FAM227A: variants seen among roughly 807,000 people sequenced by gnomAD.
FAM227A encodes protein FAM227A.
FAM227A carries 80 observed loss-of-function variants against 74.7 expected under a neutral mutation model. That is an observed-to-expected ratio of 1.07 (90% confidence interval 0.89 to 1.29). FAM227A has a LOEUF of 1.29. Ranked by LOEUF, FAM227A falls within the 50% of genes most tolerant of loss-of-function variation. The pLI is 0.00. For synonymous variants in FAM227A, 237 were observed against 241.8 expected (o/e 0.98, Z 0.19); for missense variants, 654 against 683.4 (o/e 0.96, Z 0.48).
intron 11 of FAM227A, among the ~76,000 whole-genome samples, chr22:38,611,300 G>C (rs1020723412): frequency 5.9e-5 from 9 of 152,104 alleles, no homozygotes; most frequent in African/African-American, 2.2e-4. Context: ...TGGGGGTTGG[G>C]GAGCCTAAAT....
chr22:38,593,938 C>T (rs1157278592), intron 15 of FAM227A, among the ~76,000 whole-genome samples: 4 of 152,100 alleles, frequency 2.6e-5, no homozygotes, highest in Admixed American at 6.5e-5. Context: ...ATGATCCACC[C>T]GCCTCGGCCT....
intron 16 of FAM227A, among the ~76,000 whole-genome samples, chr22:38,587,137 A>G (rs549738581): frequency 6.6e-6 from 1 of 152,362 alleles, no homozygotes; most frequent in African/African-American, 2.4e-5. Flanking sequence ...TAAGAGGGAA[A>G]TTTATAGCCA....
chr22:38,603,921 T>A (rs75429522), intron 13 of FAM227A, among the ~76,000 whole-genome samples: 1 of 152,156 alleles, frequency 6.6e-6, no homozygotes, highest in African/African-American at 2.4e-5. Context: ...ATGTTTTATA[T>A]AATCTTAGAA....
intron 1 of FAM227A, among the ~76,000 whole-genome samples, chr22:38,650,832 G>C (rs929779960): frequency 1.3e-5 from 2 of 152,120 alleles, no homozygotes; most frequent in Non-Finnish European, 2.9e-5. Flanking sequence ...GTCCTTGCTT[G>C]TTGGCCAGGA....
intron 8 of FAM227A, among the ~76,000 whole-genome samples, chr22:38,626,865 C>CAAAGAA (rs2091812588): frequency 6.0e-5 from 1 of 16,800 alleles, no homozygotes; most frequent in Admixed American, 1.2e-3. Flanking sequence ...GACTCTGTCT[C>CAAAGAA]AAAAAAAAAA....
chr22:38,603,354 G>A (rs977950520), intron 13 of FAM227A, among the ~76,000 whole-genome samples: 7 of 152,014 alleles, frequency 4.6e-5, no homozygotes, highest in Non-Finnish European at 7.4e-5. Context: ...TGGGCGTGGT[G>A]GCACACACCT....
intron 9 of FAM227A, among the ~76,000 whole-genome samples, chr22:38,624,793 G>T (rs1326435395): frequency 6.6e-6 from 1 of 152,150 alleles, no homozygotes. Flanking sequence ...AGGGGCATAA[G>T]GAAGTCTGCG....
At chr22:38,643,195 A>T (rs980107460) in intron 3 of FAM227A, among the ~76,000 whole-genome samples, 58 of 151,884 alleles carry the variant, frequency 3.8e-4, no homozygotes, top group African/African-American at 1.3e-3. Flanking sequence ...GGGTGCCTGT[A>T]ATCCCAGCTA....
chr22:38,623,215 G>C lies in FAM227A; in HGVS notation c.915C>G (p.Phe305Leu), dbSNP rs1045969915. Residue 305 changes from phenylalanine to leucine, a missense_variant, in exon 10 of 17, where the codon TTC (phenylalanine) becomes TTG (leucine). Transcript: ENST00000535113. ...TGTACAACATTAATTCTTCTCTGCG[G>C]AATCGCTCTGGGTCTAGTTCCGAGT... Reference protein sequence around the residue: ...WDYSELDPERFRREELMLYRR... With the variant: ...WDYSELDPERLRREELMLYRR... The C allele has an allele frequency of 1.4e-5, 21 of 1,551,544 alleles. No homozygotes were observed. Among genetic ancestry groups the C allele is most frequent in the Non-Finnish European group, 1.8e-5 (21 of 1,146,948 alleles).
At chr22:38,626,366 G>A in intron 8 of FAM227A, 63 bp from the exon 9 acceptor site, 1 of 1,497,594 alleles carries the variant, frequency 6.7e-7, no homozygotes, top group South Asian at 1.3e-5. Flanking sequence ...CATGATTTGG[G>A]GATGAGGAAG....
At chr22:38,645,863 G>A (rs2092226729) in intron 2 of FAM227A, among the ~76,000 whole-genome samples, 1 of 152,102 alleles carries the variant, frequency 6.6e-6, no homozygotes, top group African/African-American at 2.4e-5. Flanking sequence ...ATGGGTCACT[G>A]CAGCAGACCT....
At chr22:38,595,532 C>T (rs1312318276) in intron 15 of FAM227A, among the ~76,000 whole-genome samples, 2 of 152,232 alleles carry the variant, frequency 1.3e-5, no homozygotes, top group Non-Finnish European at 1.5e-5. Flanking sequence ...AATAGTTAAT[C>T]AGGCAAAGAC....
chr22:38,598,863 A>C (rs920874144), intron 14 of FAM227A, among the ~76,000 whole-genome samples: 2 of 151,970 alleles, frequency 1.3e-5, no homozygotes, highest in African/African-American at 4.8e-5. Context: ...GAACCAATAG[A>C]CCAGTTTGAT....
At position 38,597,357 on chromosome 22, in the gene FAM227A, G is replaced by A; in HGVS notation, c.1380-1C>T. The A allele has an allele frequency of 1.3e-6, 2 of 1,551,772 alleles. No homozygotes were observed. The highest frequency in any genetic ancestry group is 1.4e-5 in the African/African-American group (1 of 73,172). On this transcript the variant is annotated splice_acceptor_variant, in intron 14 of 16. Coordinates refer to ENST00000535113, the MANE Select transcript of FAM227A (RefSeq NM_001013647.2). LOFTEE classifies it high-confidence loss of function. ...ATCAGTATACGTTGGGGTGCAGTCAGTGGCTTCCGCTGTCAAGGAAATCCC... is the reference window on the plus strand; with the variant it reads ...ATCAGTATACGTTGGGGTGCAGTCAATGGCTTCCGCTGTCAAGGAAATCCC...
rs1555973176 is a variant in FAM227A at position 38,641,974 on chromosome 22, T to TGTGTGTGC, written c.226-2251_226-2250insGCACACAC. On this transcript the variant is annotated intron_variant, in intron 3 of 16. Coordinates refer to ENST00000535113, the MANE Select transcript of FAM227A (RefSeq NM_001013647.2). ...GTGTGTGTGTGTGTGTGTGTGTGTGTGCGCACGTGTGTGTGCGCGTGTGTT... is the reference window on the plus strand; with the variant it reads ...GTGTGTGTGTGTGTGTGTGTGTGTGTGTGTGTGCGCGCACGTGTGTGTGCGCGTGTGTT... Among the ~76,000 whole-genome samples the TGTGTGTGC allele has an allele frequency of 2.8e-3, 408 of 146,114 alleles. 3 individuals are homozygous for TGTGTGTGC. Among genetic ancestry groups the TGTGTGTGC allele is most frequent in the South Asian group, 0.021 (102 of 4,776 alleles).
Position 38,607,416 on chromosome 22 carries a change from T to A in FAM227A, c.1099A>T (p.Ser367Cys). 6.4e-7 allele frequency: 1 copy of A among 1,551,338 alleles called. No individual in the cohort carries two copies. Among genetic ancestry groups the A allele is most frequent in the South Asian group, 1.2e-5 (1 of 84,058 alleles). The change falls in exon 12 of 17, where the codon AGC becomes TGC. Residue 367 changes from serine to cysteine, a missense_variant. Ser to Cys is a moderately radical substitution (Grantham distance 112). Coordinates refer to ENST00000535113, the MANE Select transcript of FAM227A (RefSeq NM_001013647.2). The part of the protein sequence containing the change: ...TSSAKQNSEK[S>C]LRMQNTAKEH... ...TTTGCAGTATTCTGCATTCGTAAGC[T>A]TTTTTCTGAGTTCTGCTTGGCCGAA...
At chr22:38,623,577 G>A (rs1454958051) in intron 9 of FAM227A, among the ~76,000 whole-genome samples, 1 of 152,168 alleles carries the variant, frequency 6.6e-6, no homozygotes, top group Non-Finnish European at 1.5e-5. Flanking sequence ...AGAGGGCTTT[G>A]GCTTCTTCAT....
intron 10 of FAM227A, among the ~76,000 whole-genome samples, chr22:38,621,508 G>C (rs1250361599): frequency 6.6e-6 from 1 of 152,082 alleles, no homozygotes; most frequent in Non-Finnish European, 1.5e-5. Flanking sequence ...GGGAGGCTGA[G>C]GCAGGAGAAT....
At position 38,579,207 on chromosome 22, in the gene FAM227A, A is replaced by T. The variant is rs1569178298; in HGVS notation, c.*6918T>A. On this transcript the variant is annotated 3_prime_UTR_variant, in exon 17 of 17. Transcript: ENST00000535113. ...ATAGAGCACACTTCAGCCATTCACT[A>T]GCTGTGTGGTCTTGGGAAAATTATT... 1 of 152,208 alleles carries T rather than the reference A, an allele frequency of 6.6e-6. No individual in the cohort carries two copies. Among genetic ancestry groups the T allele is most frequent in the Non-Finnish European group, 1.5e-5 (1 of 68,048 alleles). The allele number at this position is 152,208 out of a possible 1,614,324, so 9.4% of individuals were successfully genotyped here. A position where few individuals can be genotyped will look rare whatever the true frequency, so the allele number is the denominator to read the frequency against.
Sources: allele counts gnomAD v4.1 joint callset (sites outside exome capture counted in the v4.1 genomes callset), GRCh38; gene constraint gnomAD v4.1.1; transcripts MANE v1.5; gene names NCBI Gene and HGNC (gene_info 2026-07-23, HGNC 2026-07-21).